MYO3B: variants seen among roughly 807,000 people sequenced by gnomAD.
MYO3B encodes the protein myosin-IIIb.
A neutral mutation model predicts 174.6 loss-of-function variants in MYO3B; 156 were observed. The ratio of observed to expected loss-of-function variants is 0.89; its 90% CI spans 0.78 to 1.02. MYO3B has a LOEUF of 1.02. MYO3B is among the 50% of genes least tolerant of loss of function. The pLI is 0.00. For missense variants in MYO3B, 1,632 were observed against 1,639.4 expected, an observed-to-expected ratio of 1.00 and a Z score of 0.08; for synonymous variants, 563 against 569.1, an observed-to-expected ratio of 0.99 and a Z score of 0.15.
At chr2:170,239,156 C>T (rs1046740124) in intron 7 of MYO3B, among the ~76,000 whole-genome samples, 1 of 152,204 alleles carries the variant, frequency 6.6e-6, no homozygotes, top group African/African-American at 2.4e-5. Flanking sequence ...TATCATTTCT[C>T]TCAACATCAG....
At chr2:170,573,239 A>ATG (rs1692563721) in intron 32 of MYO3B, among the ~76,000 whole-genome samples, 1 of 151,116 alleles carries the variant, frequency 6.6e-6, no homozygotes, top group African/African-American at 2.4e-5. Context: ...ATATATATAT[A>ATG]TATATATATA....
intron 7 of MYO3B, among the ~76,000 whole-genome samples, chr2:170,300,523 G>A (rs369226974): frequency 6.6e-6 from 1 of 152,158 alleles, no homozygotes; most frequent in African/African-American, 2.4e-5. Context: ...TCCCTAGGAG[G>A]CTGGTAATGA....
intron 20 of MYO3B, among the ~76,000 whole-genome samples, chr2:170,404,908 C>T (rs1965136): frequency 0.46 from 69,825 of 152,088 alleles, 16,015 homozygotes; most frequent in Middle Eastern, 0.55. Flanking sequence ...TAGGGCACCT[C>T]GTCCTGACAT....
At chr2:170,374,730 A>ACT (rs148361442) in intron 9 of MYO3B, among the ~76,000 whole-genome samples, 10 of 128,704 alleles carry the variant, frequency 7.8e-5, no homozygotes, top group African/African-American at 3.1e-5. Context: ...TCCCTATTTC[A>ACT]CTCTCTCTAT....
chr2:170,214,152 A>G (rs561743312), intron 3 of MYO3B, among the ~76,000 whole-genome samples: 1 of 152,226 alleles, frequency 6.6e-6, no homozygotes, highest in Admixed American at 6.5e-5. Flanking sequence ...CATTTTGAAC[A>G]TGCACTTTCA....
chr2:170,293,213 G>A (rs2093607443), intron 7 of MYO3B, among the ~76,000 whole-genome samples: 3 of 152,088 alleles, frequency 2.0e-5, no homozygotes, highest in Admixed American at 2.0e-4. Flanking sequence ...GGGAAATGAA[G>A]CTAGATTGTT....
Position 170,649,215 on chromosome 2 carries a change from AATATATTATATATAAAATAAT to A in MYO3B, c.3734-2386_3734-2366del, listed in dbSNP as rs1231366074. On this transcript the variant is annotated intron_variant, in intron 32 of 34. Transcript: ENST00000408978. ...ATATATTATATATAAAATAATATAT[AATATATTATATATAAAATAAT>A]ATATATTATATATAAAATAATATAT... Among the ~76,000 whole-genome samples the A allele has an allele frequency of 2.8e-3, 74 of 26,198 alleles. 8 individuals are homozygous for A. Among genetic ancestry groups the A allele is most frequent in the African/African-American group, 0.011 (51 of 4,564 alleles). The allele number at this position is 26,198 out of a possible 152,430, so 17.2% of individuals were successfully genotyped here.
intron 9 of MYO3B, among the ~76,000 whole-genome samples, chr2:170,374,512 G>A (rs1408967704): frequency 2.0e-5 from 3 of 152,134 alleles, no homozygotes; most frequent in Non-Finnish European, 2.9e-5. Context: ...ACAGGTTGAG[G>A]AACTCTTAGA....
At chr2:170,543,269 C>T (rs1690240715) in intron 31 of MYO3B, among the ~76,000 whole-genome samples, 1 of 152,116 alleles carries the variant, frequency 6.6e-6, no homozygotes, top group Non-Finnish European at 1.5e-5. Flanking sequence ...GTTAGAGCCT[C>T]TTTTTGAGTA....
chr2:170,264,674 AT>A (rs1027682567), intron 7 of MYO3B, among the ~76,000 whole-genome samples: 18 of 152,238 alleles, frequency 1.2e-4, no homozygotes, highest in African/African-American at 4.3e-4. Context: ...GTATGGCAAA[AT>A]ACCCTGATAT....
At chr2:170,513,063 C>G (rs570321173) in intron 28 of MYO3B, among the ~76,000 whole-genome samples, 1 of 152,074 alleles carries the variant, frequency 6.6e-6, no homozygotes, top group East Asian at 1.9e-4. Context: ...AATAATGGAG[C>G]TTTTCTTCCC....
chr2:170,604,130 G>A (rs6752363), intron 32 of MYO3B, among the ~76,000 whole-genome samples: 35,116 of 152,138 alleles, frequency 0.23, 7,598 homozygotes, highest in African/African-American at 0.58. Context: ...AAATTGTCTA[G>A]TGGCACATTT....
chr2:170,181,048 T>C (rs7591238), intron 1 of MYO3B, among the ~76,000 whole-genome samples: 65,172 of 151,964 alleles, frequency 0.43, 15,205 homozygotes, highest in East Asian at 0.57. Flanking sequence ...CTAGGTTGTA[T>C]CTGGTTTTCT....
At chr2:170,217,259 G>T in intron 5 of MYO3B, 60 bp from the exon 6 acceptor site, 1 of 1,473,734 alleles carries the variant, frequency 6.8e-7, no homozygotes, top group Non-Finnish European at 9.5e-7. Flanking sequence ...AAAGTCTGCC[G>T]ATTGCTGGTC....
At chr2:170,450,282 A>T (rs1310387647) in intron 23 of MYO3B, among the ~76,000 whole-genome samples, 2 of 152,220 alleles carry the variant, frequency 1.3e-5, no homozygotes, top group African/African-American at 4.8e-5. Flanking sequence ...TCATTTTTGC[A>T]CTTTAGGGGA....
intron 7 of MYO3B, among the ~76,000 whole-genome samples, chr2:170,305,460 A>T (rs1020991413): frequency 6.6e-5 from 10 of 152,192 alleles, no homozygotes; most frequent in African/African-American, 2.4e-4. Context: ...TATGGTAGTG[A>T]TAATCTCAGA....
chr2:170,323,359 A>T (rs2093843079), intron 7 of MYO3B, among the ~76,000 whole-genome samples: 2 of 152,242 alleles, frequency 1.3e-5, no homozygotes, highest in Admixed American at 1.3e-4. Flanking sequence ...TAATCTGAAG[A>T]ATGCTAATGC....
At chr2:170,179,379 A>G (rs1003018869) in intron 1 of MYO3B, among the ~76,000 whole-genome samples, 6 of 151,938 alleles carry the variant, frequency 3.9e-5, no homozygotes, top group Admixed American at 6.6e-5. Context: ...GCCAGTTCCT[A>G]CTCTTACGTC....
intron 3 of MYO3B, among the ~76,000 whole-genome samples, chr2:170,211,108 T>C (rs2092765437): frequency 6.6e-6 from 1 of 152,214 alleles, no homozygotes; most frequent in African/African-American, 2.4e-5. Context: ...TGGGGTTCCA[T>C]GAGAAAAACA....
Sources: gnomAD v4.1 joint callset for allele counts (sites outside exome capture counted in the v4.1 genomes callset) on GRCh38, gnomAD v4.1.1 for gene constraint, MANE v1.5 for transcripts, NCBI Gene and HGNC (gene_info 2026-07-23, HGNC 2026-07-21) for gene names.